Variants in SBNO2 observed in about 807,000 individuals in gnomAD.
SBNO2 encodes the protein protein strawberry notch homolog 2.
In SBNO2, 89 loss-of-function variants were observed where a neutral mutation model predicts 146.3. The observed-to-expected ratio is 0.61, with a 90% CI of 0.51 to 0.73. SBNO2 has a LOEUF of 0.73. SBNO2 is among the 30% of genes least tolerant of loss of function. SBNO2 has a pLI of 0.00. For missense variants in SBNO2, 2,092 were observed against 2,003.7 expected, an observed-to-expected ratio of 1.04 and a Z score of -0.84; for synonymous variants, 1,147 against 892.6, an observed-to-expected ratio of 1.29 and a Z score of -5.08.
Position 1,144,335 on chromosome 19 carries a change from C to T in SBNO2, c.279+2974G>A, listed in dbSNP as rs1401381047. ...TCCAAATGAAGTTCTGCTGCTTTAA[C>T]AGGGAGATTTGGGTCCAAGCTGCCC... is the stretch of plus-strand genomic sequence containing the variant. On this transcript the variant is annotated intron_variant, in intron 4 of 31. Coordinates refer to ENST00000361757, the MANE Select transcript of SBNO2 (RefSeq NM_014963.3). The surrounding 1 kb of genome is among the most constrained non-coding windows in gnomAD (Gnocchi z 4.1). Among the ~76,000 whole-genome samples the T allele has an allele frequency of 6.6e-6, 1 of 152,198 alleles. No individual in the cohort carries two copies. Among genetic ancestry groups the T allele is most frequent in the Non-Finnish European group, 1.5e-5 (1 of 68,040 alleles).
At position 1,114,244 on chromosome 19, in the gene SBNO2, G is replaced by A; in HGVS notation, c.2064C>T (p.Pro688=). ...DVVIVDAVGL[P]SDDRGPLCLL... ...GCAAGCCCTCACCCCGGTCGTCACT[G>A]GGGAGCCCGACTGCATCAACGATGA... The change falls in exon 18 of 32, where the codon CCC becomes CCT. Residue 688 remains proline, a synonymous_variant. Coordinates refer to ENST00000361757, the MANE Select transcript of SBNO2 (RefSeq NM_014963.3). 6.6e-7 allele frequency: 1 copy of A among 1,518,732 alleles called. No homozygotes were observed. Among genetic ancestry groups the A allele is most frequent in the Non-Finnish European group, 8.9e-7 (1 of 1,128,308 alleles). 94.1% of individuals were successfully genotyped at this position (1,518,732 alleles called of 1,614,324 possible). A position where few individuals can be genotyped will look rare whatever the true frequency, so the allele number is the denominator to read the frequency against.
chr19:1,116,565 T>C (rs1437817455), intron 16 of SBNO2, among the ~76,000 whole-genome samples: 1 of 152,088 alleles, frequency 6.6e-6, no homozygotes, highest in Non-Finnish European at 1.5e-5. Flanking sequence ...ACGGCACAGA[T>C]GCAGGAAGCC....
In SBNO2 at chr19:1,122,750, A is replaced by T. The variant is rs1212656019; in HGVS notation, c.822T>A (p.Phe274Leu). The T allele has an allele frequency of 6.5e-7, 1 of 1,537,410 alleles. No individual in the cohort carries two copies. Among genetic ancestry groups the T allele is most frequent in the Non-Finnish European group, 8.7e-7 (1 of 1,146,502 alleles). Residue 274 changes from phenylalanine (F) to leucine (L), a missense_variant, in exon 9 of 32, where the codon TTT (phenylalanine) becomes TTA (leucine). Physicochemically the swap from Phe to Leu is conservative, Grantham distance 22 (BLOSUM62 0). Transcript: ENST00000361757. ...CCACGCCGGCCCCATCGCCGATGAGAAAGCCCGCGCGCTGCCCGCTGGGGA... is the reference window on the plus strand; with the variant it reads ...CCACGCCGGCCCCATCGCCGATGAGTAAGCCCGCGCGCTGCCCGCTGGGGA... ...VLLPSGQRAG[F>L]LIGDGAGVGK...
At chr19:1,129,522 T>A (rs2080004500) in intron 4 of SBNO2, among the ~76,000 whole-genome samples, 1 of 151,420 alleles carries the variant, frequency 6.6e-6, no homozygotes, top group Admixed American at 6.6e-5. Flanking sequence ...CCCAGGAGGG[T>A]AGGAGCAGTC....
chr19:1,129,827 G>A (rs1340127659), intron 4 of SBNO2, among the ~76,000 whole-genome samples: 2 of 152,170 alleles, frequency 1.3e-5, no homozygotes, highest in Non-Finnish European at 2.9e-5. Flanking sequence ...ACCCAAATGC[G>A]TGGGTCACAC....
chr19:1,171,142 G>A (rs767305228), intron 1 of SBNO2, among the ~76,000 whole-genome samples: 14 of 151,200 alleles, frequency 9.3e-5, no homozygotes, highest in Non-Finnish European at 1.6e-4. Context: ...CACACAATGT[G>A]CACCCATAAA....
At chr19:1,113,829 G>A in intron 18 of SBNO2, 125 bp from the exon 19 acceptor site, 1 of 1,249,938 alleles carries the variant, frequency 8.0e-7, no homozygotes, top group Non-Finnish European at 1.0e-6. Context: ...ACGGCAGGGT[G>A]GCGGGGAAGC....
chr19:1,166,966 A>G (rs1269255282), intron 1 of SBNO2, among the ~76,000 whole-genome samples: 1 of 152,198 alleles, frequency 6.6e-6, no homozygotes, highest in Non-Finnish European at 1.5e-5. Flanking sequence ...AAGTGGCTCG[A>G]CCGGTCACCA....
At chr19:1,166,529 G>A (rs1048666943) in intron 1 of SBNO2, among the ~76,000 whole-genome samples, 3 of 152,050 alleles carry the variant, frequency 2.0e-5, no homozygotes, top group African/African-American at 7.3e-5. Flanking sequence ...GCGGTGGCCC[G>A]TGGCTGTAAT....
At chr19:1,131,890 C>T (rs1364918432) in intron 4 of SBNO2, among the ~76,000 whole-genome samples, 1 of 152,218 alleles carries the variant, frequency 6.6e-6, no homozygotes, top group South Asian at 2.1e-4. Flanking sequence ...ATCTCTGCCT[C>T]GGAACCTTCC....
rs959523733 is a variant in SBNO2, at chr19:1,109,091, G to A, written c.3425+44C>T. 30 of 1,541,098 alleles carry A rather than the reference G, an allele frequency of 1.9e-5. No individual in the cohort carries two copies. Among genetic ancestry groups the A allele is most frequent in the Admixed American group, 1.6e-4 (8 of 50,598 alleles). ...GGAGCCCCCGATCCCCGCCTGGGTC[G>A]CCGCCATCTGCCGGTTTCCCCCTGG... On this transcript the variant is annotated intron_variant, in intron 30 of 31. Coordinates refer to ENST00000361757, the MANE Select transcript of SBNO2 (RefSeq NM_014963.3). This position sits in a 1 kb window ranked among gnomAD's most constrained non-coding sequence, Gnocchi z 4.2.
intron 1 of SBNO2, chr19:1,155,046 G>A (rs1003893206): frequency 2.0e-5 from 3 of 152,070 alleles, no homozygotes; most frequent in Admixed American, 6.5e-5. Context: ...TCTGGCACAC[G>A]GCCAGACGCC....
intron 18 of SBNO2, 78 bp from the exon 19 acceptor site, chr19:1,113,782 G>A: frequency 1.4e-6 from 2 of 1,389,786 alleles, no homozygotes; most frequent in Non-Finnish European, 9.3e-7. Flanking sequence ...CTGGCCCCTG[G>A]AGGGCAAGGA....
rs2079866536 is a variant in SBNO2 at position 1,119,029 on chromosome 19, G to A, written c.1509C>T (p.Tyr503=). Residue 503 remains tyrosine (Y), a synonymous_variant, in exon 14 of 32, where the codon TAC becomes TAT. Transcript: ENST00000361757. The part of the protein sequence containing the change: ...IPLAPAFECV[Y]NRAALLWAEA... ...GGCTCACCAGCAGGGCCGCGCGGTT[G>A]TAGACGCACTCGAAGGCTGGGGCCA... 2.5e-6 allele frequency: 4 copies of A among 1,601,532 alleles called. No homozygotes were observed. Among genetic ancestry groups the A allele is most frequent in the Non-Finnish European group, 3.4e-6 (4 of 1,176,656 alleles).
In SBNO2 at chr19:1,131,474, C is replaced by T. The variant is rs111898700; in HGVS notation, c.280-3709G>A. On this transcript the variant is annotated intron_variant, in intron 4 of 31. Transcript: ENST00000361757. Reference sequence around the variant, plus strand: ...CTGCCCGCTTCAAAAGCAGCAGACACAGCTCCTCCTGCCCTGGGCAGCCAA... The same window carrying T: ...CTGCCCGCTTCAAAAGCAGCAGACATAGCTCCTCCTGCCCTGGGCAGCCAA... Among the ~76,000 whole-genome samples, 716 of 152,296 alleles carry T rather than the reference C, an allele frequency of 4.7e-3. 7 individuals carry two copies. Among genetic ancestry groups the T allele is most frequent in the Non-Finnish European group, 3.5e-3 (241 of 68,010 alleles).
intron 1 of SBNO2, among the ~76,000 whole-genome samples, chr19:1,160,126 C>A: frequency 6.6e-6 from 1 of 152,202 alleles, no homozygotes; most frequent in Admixed American, 6.5e-5. Context: ...TGGTGGGCAG[C>A]TTGCGCCTGG....
In SBNO2 at chr19:1,108,789, C is replaced by G. The variant is rs370717411; in HGVS notation, c.3606G>C (p.Lys1202Asn). Residue 1202 changes from lysine to asparagine, a missense_variant, in exon 31 of 32, where the codon AAG becomes AAC. Physicochemically the swap from Lys to Asn is moderately conservative, Grantham distance 94 (BLOSUM62 0). Transcript: ENST00000361757. The stretch of plus-strand genomic sequence containing the variant: ...CCGCCGCCCACTCACCCACTTGCTT[C>G]TTCCTGTCCTTGGTCTTCAGCCGCA... ...QIVRLKTKDRKKQVGIKIPEG... is the reference protein window; with the variant it reads ...QIVRLKTKDRNKQVGIKIPEG... 6.2e-7 allele frequency: 1 copy of G among 1,602,834 alleles called. No individual in the cohort carries two copies. Among genetic ancestry groups the G allele is most frequent in the African/African-American group, 1.3e-5 (1 of 74,798 alleles).
chr19:1,173,039 G>A lies in SBNO2; in HGVS notation c.-127+1133C>T, dbSNP rs974431321. ...TTCAGAATGTTAATCAGTTCATCCA[G>A]GGAGACACCCACCGTCCCTGCCCCA... On this transcript the variant is annotated intron_variant, in intron 1 of 31. Coordinates refer to ENST00000361757, the MANE Select transcript of SBNO2 (RefSeq NM_014963.3). This position sits in a 1 kb window ranked among gnomAD's most constrained non-coding sequence, Gnocchi z 4.7. Among the ~76,000 whole-genome samples the A allele has an allele frequency of 6.6e-6, 1 of 151,310 alleles. No individual in the cohort carries two copies. Among genetic ancestry groups the A allele is most frequent in the Admixed American group, 6.6e-5 (1 of 15,216 alleles).
intron 4 of SBNO2, among the ~76,000 whole-genome samples, chr19:1,145,458 A>G (rs2080180869): frequency 6.7e-6 from 1 of 149,632 alleles, no homozygotes; most frequent in Non-Finnish European, 1.5e-5. Context: ...GAGCAACAAG[A>G]GCAAAACTCT....
Sources: allele counts gnomAD v4.1 joint callset (sites outside exome capture counted in the v4.1 genomes callset), GRCh38; gene constraint gnomAD v4.1.1; non-coding constraint Gnocchi (gnomAD v3.1); transcripts MANE v1.5; gene names NCBI Gene and HGNC (gene_info 2026-07-23, HGNC 2026-07-21).